NOTCH2: variants seen among roughly 807,000 people sequenced by gnomAD.
NOTCH2 encodes the protein neurogenic locus notch homolog protein 2.
Under a neutral mutation model 235.8 loss-of-function variants are expected in NOTCH2, and 29 were observed. The ratio of observed to expected loss-of-function variants is 0.12; its 90% CI spans 0.09 to 0.17. The LOEUF is 0.17. Ranked by LOEUF, NOTCH2 falls within the 10% of genes least tolerant of loss-of-function variation. The pLI is 1.00. For synonymous variants in NOTCH2, 1,086 were observed against 1,141.5 expected (o/e 0.95, Z 0.98); for missense variants, 2,285 against 3,150.2 (o/e 0.73, Z 6.57).
rs142215979 is a variant in NOTCH2, at chr1:119,987,189, A to G, written c.752-107T>C. ...TAGAATAGACCCGCTTCATGACTTCAGTTCAACAGCTGCTCACCCAGGACT... is the reference window on the plus strand; with the variant it reads ...TAGAATAGACCCGCTTCATGACTTCGGTTCAACAGCTGCTCACCCAGGACT... On this transcript the variant is annotated intron_variant, in intron 4 of 33. Transcript: ENST00000256646. 269 of 1,321,064 alleles carry G rather than the reference A, an allele frequency of 2.0e-4. 1 individual carries two copies. The African/African-American group carries it at 3.6e-3, about 17-fold the overall frequency. 81.8% of individuals were successfully genotyped at this position (1,321,064 alleles called of 1,614,324 possible). A position where few individuals can be genotyped will look rare whatever the true frequency, so the allele number is the denominator to read the frequency against.
intron 2 of NOTCH2, among the ~76,000 whole-genome samples, chr1:120,017,364 C>T (rs1553208268): frequency 6.6e-6 from 1 of 152,068 alleles, no homozygotes; most frequent in East Asian, 1.9e-4. Flanking sequence ...GAAAAACAGC[C>T]TTGATACCCC....
At chr1:119,949,487 T>C (rs1650384922) in intron 15 of NOTCH2, among the ~76,000 whole-genome samples, 1 of 150,452 alleles carries the variant, frequency 6.6e-6, no homozygotes, top group Admixed American at 6.6e-5. Context: ...CCCAGGTTCA[T>C]GCCATTCTCC....
At chr1:120,040,899 G>A (rs1370469673) in intron 1 of NOTCH2, among the ~76,000 whole-genome samples, 3 of 149,850 alleles carry the variant, frequency 2.0e-5, no homozygotes, top group Non-Finnish European at 4.4e-5. Context: ...AAATTAGCTG[G>A]GCATGGTGGC....
At chr1:119,988,126 A>C (rs1168754894) in intron 4 of NOTCH2, among the ~76,000 whole-genome samples, 1 of 152,164 alleles carries the variant, frequency 6.6e-6, no homozygotes, top group African/African-American at 2.4e-5. Context: ...TACATTAGGC[A>C]CTGGTGATAC....
intron 19 of NOTCH2, among the ~76,000 whole-genome samples, chr1:119,940,031 G>A (rs886990335): frequency 2.6e-5 from 4 of 152,208 alleles, no homozygotes; most frequent in African/African-American, 9.6e-5. Context: ...CCATGAAATC[G>A]AAGGTTAGAT....
At chr1:119,968,013 C>T (rs1337198013) in intron 7 of NOTCH2, 64 bp downstream of exon 7, 10 of 1,586,868 alleles carry the variant, frequency 6.3e-6, no homozygotes, top group Non-Finnish European at 7.8e-6. Flanking sequence ...AAATGTGCTT[C>T]AGTTTAAACA....
intron 4 of NOTCH2, chr1:119,995,741 G>A (rs2258062): frequency 2.6e-5 from 4 of 152,150 alleles, no homozygotes; most frequent in South Asian, 2.1e-4. Context: ...ATAATATAAA[G>A]TTTTCATTTC....
At chr1:119,934,599 A>C (rs1649781275) in intron 22 of NOTCH2, among the ~76,000 whole-genome samples, 1 of 152,112 alleles carries the variant, frequency 6.6e-6, no homozygotes, top group Admixed American at 6.6e-5. Flanking sequence ...CTACTAGGGT[A>C]CTCTCCTATT....
At chr1:120,048,638 G>A (rs1570785095) in intron 1 of NOTCH2, among the ~76,000 whole-genome samples, 1 of 147,832 alleles carries the variant, frequency 6.8e-6, no homozygotes, top group South Asian at 2.2e-4. Flanking sequence ...CGTAAAGATG[G>A]GGTCTTGCTA....
chr1:119,918,899 CAGG>C (rs1649175506), intron 31 of NOTCH2, among the ~76,000 whole-genome samples: 1 of 152,122 alleles, frequency 6.6e-6, no homozygotes, highest in African/African-American at 2.4e-5. Context: ...AAACAGGCAT[CAGG>C]GAATATAATA....
chr1:120,023,310 G>A (rs1450726336), intron 2 of NOTCH2, among the ~76,000 whole-genome samples: 18 of 151,078 alleles, frequency 1.2e-4, no homozygotes, highest in East Asian at 3.9e-4. Flanking sequence ...GGTGGCGGGC[G>A]CTTGTAGTCC....
In NOTCH2 at chr1:119,920,318, G is replaced by A. The variant is rs770932767; in HGVS notation, c.5390C>T (p.Ala1797Val). 3.7e-6 allele frequency: 6 copies of A among 1,614,204 alleles called. No homozygotes were observed. Among genetic ancestry groups the A allele is most frequent in the Non-Finnish European group, 5.1e-6 (6 of 1,180,036 alleles). Residue 1797 changes from alanine to valine, a missense_variant, in exon 30 of 34, where the codon GCA becomes GTA. Ala to Val is a moderately conservative substitution (Grantham distance 64). Coordinates refer to ENST00000256646, the MANE Select transcript of NOTCH2 (RefSeq NM_024408.4). ...CAGCGATGGTGTCCTACGGATGTCTGCAGCTTCAAGGTGCTGCTGTGTCCA... is the reference window on the plus strand; with the variant it reads ...CAGCGATGGTGTCCTACGGATGTCTACAGCTTCAAGGTGCTGCTGTGTCCA... ...RPWTQQHLEA[A>V]DIRRTPSLAL...
chr1:120,069,576 G>C lies in NOTCH2; in HGVS notation c.-170C>G. The stretch of plus-strand genomic sequence containing the variant: ...AGGCGCAAATGCCTCGACTCCCCGC[G>C]CCCCGAGTCCGCCGCTCCTCGGCCG... On this transcript the variant is annotated 5_prime_UTR_variant, in exon 1 of 34. Coordinates refer to ENST00000256646, the MANE Select transcript of NOTCH2 (RefSeq NM_024408.4). 3 of 1,408,954 alleles carry C rather than the reference G, an allele frequency of 2.1e-6. No homozygotes were observed. Among genetic ancestry groups the C allele is most frequent in the Non-Finnish European group, 2.7e-6 (3 of 1,090,980 alleles). The allele number at this position is 1,408,954 out of a possible 1,614,324, so 87.3% of individuals were successfully genotyped here. A position where few individuals can be genotyped will look rare whatever the true frequency, so the allele number is the denominator to read the frequency against.
intron 5 of NOTCH2, among the ~76,000 whole-genome samples, chr1:119,983,437 G>A (rs1570714862): frequency 1.3e-5 from 2 of 152,252 alleles, no homozygotes; most frequent in East Asian, 3.9e-4. Flanking sequence ...AGAGGCATGA[G>A]CCACTGTGCC....
chr1:120,010,786 C>A (rs587739482), intron 2 of NOTCH2, among the ~76,000 whole-genome samples: 2 of 152,258 alleles, frequency 1.3e-5, no homozygotes, highest in Admixed American at 1.3e-4. Flanking sequence ...TAGGTATATA[C>A]CCGAGATAAC....
rs587644443 is a variant in NOTCH2, at chr1:120,017,375, C to T, written c.156-11787G>A. 1.1e-4 allele frequency among the ~76,000 whole-genome samples: 16 copies of T among 152,230 alleles called. No homozygotes were observed. In the South Asian group the frequency reaches 3.1e-3, roughly 30 times the overall value. On this transcript the variant is annotated intron_variant, in intron 2 of 33. Transcript: ENST00000256646. ...CTGTGAAAAACAGCCTTGATACCCC[C>T]TCTGTTCTTATAACCCTGAGCCTGT... is the stretch of plus-strand genomic sequence containing the variant.
rs587645173 is a variant in NOTCH2 at position 119,927,788 on chromosome 1, T to C, written c.3893-1177A>G. On this transcript the variant is annotated intron_variant, in intron 23 of 33. Coordinates refer to ENST00000256646, the MANE Select transcript of NOTCH2 (RefSeq NM_024408.4). ...CTTATTCTGTTCCACATTGCCTCAATAGCTATTATGTTCACAATGGACTAT... is the reference window on the plus strand; with the variant it reads ...CTTATTCTGTTCCACATTGCCTCAACAGCTATTATGTTCACAATGGACTAT... Among the ~76,000 whole-genome samples the C allele has an allele frequency of 7.2e-5, 11 of 152,352 alleles. 1 individual carries two copies. In the South Asian group the frequency reaches 1.9e-3, roughly 26 times the overall value.
At chr1:120,011,053 G>C (rs1242857666) in intron 2 of NOTCH2, among the ~76,000 whole-genome samples, 1 of 152,152 alleles carries the variant, frequency 6.6e-6, no homozygotes, top group East Asian at 1.9e-4. Context: ...TATATGAAAT[G>C]TCCAGAATAT....
At chr1:120,035,573 T>A (rs1374850236) in intron 1 of NOTCH2, among the ~76,000 whole-genome samples, 1 of 146,220 alleles carries the variant, frequency 6.8e-6, no homozygotes, top group Non-Finnish European at 1.5e-5. Flanking sequence ...CTCATTACTA[T>A]CTAAATTCTA....
Sources: allele counts gnomAD v4.1 joint callset (sites outside exome capture counted in the v4.1 genomes callset), GRCh38; gene constraint gnomAD v4.1.1; transcripts MANE v1.5; gene names NCBI Gene and HGNC (gene_info 2026-07-23, HGNC 2026-07-21).